The following NEK1 variants were observed in gnomAD, a reference collection of about 807,000 sequenced individuals.
NEK1 encodes NIMA related kinase 1.
NEK1 carries 137 observed loss-of-function variants against 182.1 expected under a neutral mutation model. The ratio of observed to expected loss-of-function variants is 0.75; its 90% CI spans 0.65 to 0.87. The LOEUF (loss-of-function observed/expected upper bound fraction) is 0.87, where lower values mean the gene tolerates loss of function less well. Ranked by LOEUF, NEK1 falls within the 40% of genes least tolerant of loss-of-function variation. The pLI is 0.00. For missense variants in NEK1, 1,391 were observed against 1,494.4 expected (o/e 0.93, Z 1.14); for synonymous variants, 513 against 492.2 (o/e 1.04, Z -0.56).
At chr4:169,476,159 T>G (rs1580003696) in intron 26 of NEK1, among the ~76,000 whole-genome samples, 1 of 152,028 alleles carries the variant, frequency 6.6e-6, no homozygotes, top group Non-Finnish European at 1.5e-5. Context: ...TCAAAACCAG[T>G]GATAAAGACA....
rs1303052128 is a variant in NEK1 at position 169,472,172 on chromosome 4, A to AG, written c.2434+4951_2434+4952insC. On this transcript the variant is annotated intron_variant, in intron 26 of 35. Transcript: ENST00000507142. The stretch of plus-strand genomic sequence containing the variant: ...GCCACTGAGGTACAAAAAACAAAAA[A>AG]AACAAAAAAAAACAAAAAACTCCTG... 2.0e-5 allele frequency among the ~76,000 whole-genome samples: 3 copies of AG among 151,992 alleles called. No homozygotes were observed. In the East Asian group the frequency reaches 5.8e-4, roughly 30 times the overall value.
rs151161684 is a variant in NEK1 at position 169,513,699 on chromosome 4, T to C, written c.1666-4847A>G. ...CTGTATAATATTAGATGCAGGGTTT[T>C]TGCAGATGCCTATTGTGAGGTTCAG... On this transcript the variant is annotated intron_variant, in intron 19 of 35. Coordinates refer to ENST00000507142, the MANE Select transcript of NEK1 (RefSeq NM_001199397.3). 7.0e-4 allele frequency among the ~76,000 whole-genome samples: 106 copies of C among 152,342 alleles called. 1 individual carries two copies. In the East Asian group the frequency reaches 0.02, roughly 29 times the overall value.
intron 31 of NEK1, among the ~76,000 whole-genome samples, chr4:169,409,029 C>G (rs1733150604): frequency 6.6e-6 from 1 of 152,134 alleles, no homozygotes; most frequent in African/African-American, 2.4e-5. Flanking sequence ...CTACCTTTAG[C>G]TCTTTAAGGA....
At position 169,582,941 on chromosome 4, in the gene NEK1, AC is replaced by A. The variant is rs530623022; in HGVS notation, c.808-2040del. Among the ~76,000 whole-genome samples, 37 of 151,984 alleles carry A rather than the reference AC, an allele frequency of 2.4e-4. No homozygotes were observed. In the South Asian group the frequency reaches 7.3e-3, roughly 30 times the overall value. On this transcript the variant is annotated intron_variant, in intron 10 of 35. Coordinates refer to ENST00000507142, the MANE Select transcript of NEK1 (RefSeq NM_001199397.3). ...CTACATTCCTAATGAATCAGAACTT[AC>A]CCATGGTTTTTCAAGCCATATCCAG...
At position 169,591,324 on chromosome 4, in the gene NEK1, G is replaced by GT. The variant is rs201108020; in HGVS notation, c.313-516dup. On this transcript the variant is annotated intron_variant, in intron 5 of 35. Transcript: ENST00000507142. ...CACGAGCAGCTAGTTTTTTATTTTT[G>GT]TTTTTTTTACAGAGACAGTGTCCCA... Among the ~76,000 whole-genome samples the GT allele has an allele frequency of 2.1e-4, 31 of 151,144 alleles. 1 individual carries two copies. In the East Asian group the frequency reaches 4.9e-3, roughly 24 times the overall value.
intron 23 of NEK1, among the ~76,000 whole-genome samples, chr4:169,499,550 T>G (rs1752022801): frequency 1.3e-5 from 2 of 152,190 alleles, no homozygotes; most frequent in South Asian, 4.1e-4. Context: ...CCTTTGGTCT[T>G]TGATGATGGT....
At chr4:169,509,112 G>GT (rs932448774) in intron 19 of NEK1, among the ~76,000 whole-genome samples, 15 of 151,868 alleles carry the variant, frequency 9.9e-5, no homozygotes, top group South Asian at 2.1e-4. Context: ...CTTAAGAGGG[G>GT]TTTTTTTTGT....
intron 31 of NEK1, among the ~76,000 whole-genome samples, chr4:169,423,464 G>T (rs977178730): frequency 1.3e-4 from 20 of 151,966 alleles, no homozygotes; most frequent in Admixed American, 1.2e-3. Flanking sequence ...TTCTTTTACA[G>T]GCTAAAATAA....
intron 23 of NEK1, among the ~76,000 whole-genome samples, chr4:169,483,805 G>A (rs1190220249): frequency 6.8e-6 from 1 of 147,278 alleles, no homozygotes; most frequent in Non-Finnish European, 1.5e-5. Context: ...GGCAGAGGTT[G>A]CAGTGAGCCG....
chr4:169,508,928 G>T, intron 19 of NEK1, 76 bp from the exon 20 acceptor site: 1 of 1,214,254 alleles, frequency 8.2e-7, no homozygotes, highest in Non-Finnish European at 1.2e-6. Flanking sequence ...ATATCCAGGT[G>T]CTACTTTATT....
intron 23 of NEK1, among the ~76,000 whole-genome samples, chr4:169,480,530 A>G (rs1204095084): frequency 1.3e-5 from 2 of 148,934 alleles, no homozygotes; most frequent in Admixed American, 1.3e-4. Flanking sequence ...AAAAAAAAAA[A>G]GCTAATGATT....
intron 23 of NEK1, among the ~76,000 whole-genome samples, chr4:169,497,845 T>C (rs988471173): frequency 2.0e-5 from 3 of 152,210 alleles, no homozygotes; most frequent in African/African-American, 4.8e-5. Flanking sequence ...AATTTTGAAA[T>C]AGGTGTGGTG....
At chr4:169,557,300 C>T (rs11728394) in intron 16 of NEK1, among the ~76,000 whole-genome samples, 10 of 151,478 alleles carry the variant, frequency 6.6e-5, no homozygotes, top group African/African-American at 1.2e-4. Flanking sequence ...ACTCAACCAC[C>T]GAGACATAAG....
intron 23 of NEK1, among the ~76,000 whole-genome samples, chr4:169,480,560 T>C (rs1265175185): frequency 1.3e-5 from 2 of 148,842 alleles, no homozygotes; most frequent in Non-Finnish European, 3.0e-5. Flanking sequence ...CTTCAATGAA[T>C]TGTAATTATT....
At chr4:169,579,701 A>G (rs1313538047) in intron 11 of NEK1, among the ~76,000 whole-genome samples, 1 of 151,690 alleles carries the variant, frequency 6.6e-6, no homozygotes, top group Admixed American at 6.6e-5. Flanking sequence ...AGGCAGGTGA[A>G]TCCCTTGAAC....
chr4:169,606,802 A>G (rs1465000796), intron 2 of NEK1, among the ~76,000 whole-genome samples: 1 of 152,224 alleles, frequency 6.6e-6, no homozygotes, highest in African/African-American at 2.4e-5. Context: ...CACCTTCCAA[A>G]ACAACTTAAA....
chr4:169,572,561 T>C (rs1370949499), intron 12 of NEK1, among the ~76,000 whole-genome samples: 2 of 152,162 alleles, frequency 1.3e-5, no homozygotes, highest in Admixed American at 1.3e-4. Flanking sequence ...TTATAGATGT[T>C]ATCCATTAGA....
At chr4:169,538,828 C>CA (rs1758916229) in intron 18 of NEK1, among the ~76,000 whole-genome samples, 1 of 152,146 alleles carries the variant, frequency 6.6e-6, no homozygotes, top group Non-Finnish European at 1.5e-5. Context: ...AAATAAATCT[C>CA]AGTCTCCTAG....
At chr4:169,532,438 C>A (rs1757814949) in intron 19 of NEK1, among the ~76,000 whole-genome samples, 1 of 151,976 alleles carries the variant, frequency 6.6e-6, no homozygotes, top group Non-Finnish European at 1.5e-5. Flanking sequence ...AATGTTAGCA[C>A]CAAGAGTGAG....
Sources: gnomAD v4.1 joint callset for allele counts (sites outside exome capture counted in the v4.1 genomes callset) on GRCh38, gnomAD v4.1.1 for gene constraint, MANE v1.5 for transcripts, NCBI Gene and HGNC (gene_info 2026-07-23, HGNC 2026-07-21) for gene names.